The following FGF13 variants were observed in gnomAD, a reference collection of about 807,000 sequenced individuals.
FGF13 encodes the protein fibroblast growth factor 13.
Under a neutral mutation model 19.5 loss-of-function variants are expected in FGF13, and 2 were observed. That is an observed-to-expected ratio of 0.10 (90% CI 0.04 to 0.32). The LOEUF (loss-of-function observed/expected upper bound fraction) is 0.32. Among genes scored for constraint, FGF13 ranks in the 10% least tolerant of loss-of-function variants. The pLI, the probability that FGF13 is intolerant of heterozygous loss-of-function variation, is 1.00. For synonymous variants in FGF13, 72 were observed against 76.9 expected, an observed-to-expected ratio of 0.94 and a Z score of 0.33; for missense variants, 113 against 192.7, an observed-to-expected ratio of 0.59 and a Z score of 2.45.
chrX:139,174,242 T>C (rs1425668965), intron 1 of FGF13, among the ~76,000 whole-genome samples: 1 of 112,403 alleles, frequency 8.9e-6, no homozygotes, highest in Non-Finnish European at 1.9e-5. Context: ...CACTTTTTGA[T>C]GGAGTTGTTT....
rs2089038988 is a variant in FGF13 at position 138,624,328 on chromosome X, A to G, written c.*8522T>C. The G allele has an allele frequency of 8.9e-6, 1 of 112,098 alleles. No individual in the cohort carries two copies. Among genetic ancestry groups the G allele is most frequent in the Non-Finnish European group, 1.9e-5 (1 of 53,282 alleles). The allele number at this position is 112,098 out of a possible 1,213,427, so 9.2% of individuals were successfully genotyped here. A position where few individuals can be genotyped will look rare whatever the true frequency, so the allele number is the denominator to read the frequency against. On this transcript the variant is annotated 3_prime_UTR_variant, in exon 5 of 5. Coordinates refer to ENST00000315930, the MANE Select transcript of FGF13 (RefSeq NM_004114.5). ...CACTAAAAACACATCATGGGGAAAT[A>G]TAGTCCATTCAATAAATCGTATTTT...
chrX:139,110,915 C>T (rs959294211), intron 1 of FGF13, among the ~76,000 whole-genome samples: 8 of 111,556 alleles, frequency 7.2e-5, no homozygotes, highest in East Asian at 2.8e-4. Flanking sequence ...AACTCCCCAC[C>T]TCTCTGCACG....
intron 1 of FGF13, among the ~76,000 whole-genome samples, chrX:139,172,271 T>G (rs1569460751): frequency 8.9e-6 from 1 of 111,937 alleles, no homozygotes; most frequent in Admixed American, 9.5e-5. Flanking sequence ...TGTGATGAAT[T>G]TGATAGCTCT....
intron 1 of FGF13, among the ~76,000 whole-genome samples, chrX:138,996,154 C>A (rs2092041497): frequency 8.9e-6 from 1 of 112,178 alleles, no homozygotes; most frequent in Admixed American, 9.4e-5. Context: ...AATTGAGGAA[C>A]CTGGCTCATC....
At chrX:138,990,738 T>C (rs1408671380) in intron 1 of FGF13, 2 of 111,859 alleles carry the variant, frequency 1.8e-5, no homozygotes, top group African/African-American at 6.5e-5. Context: ...ACTTGGGAAT[T>C]ATGGGAGCTA....
chrX:138,852,824 T>C (rs938965589), downstream of FGF13, among the ~76,000 whole-genome samples: 1 of 110,765 alleles, frequency 9.0e-6, no homozygotes, highest in Admixed American at 9.7e-5. Context: ...AGGTCTAATA[T>C]CCAGAGCCTA....
intron 1 of FGF13, among the ~76,000 whole-genome samples, chrX:139,111,532 A>C (rs1241827614): frequency 8.9e-6 from 1 of 112,175 alleles, no homozygotes; most frequent in African/African-American, 3.2e-5. Flanking sequence ...TATTGCTTCT[A>C]AACAGAAATT....
intron 3 of FGF13, among the ~76,000 whole-genome samples, chrX:138,643,539 G>A (rs2089272347): frequency 8.9e-6 from 1 of 112,252 alleles, no homozygotes; most frequent in African/African-American, 3.2e-5. Flanking sequence ...GCCCAAGACT[G>A]TGTTAGTCTG....
chrX:139,184,271 C>T (rs187427716), intron 1 of FGF13, among the ~76,000 whole-genome samples: 4 of 111,672 alleles, frequency 3.6e-5, no homozygotes, highest in African/African-American at 1.3e-4. Context: ...TGAAATTCTG[C>T]CTTGCAGAAT....
At chrX:138,981,970 A>G in intron 1 of FGF13, among the ~76,000 whole-genome samples, 1 of 111,517 alleles carries the variant, frequency 9.0e-6, no homozygotes, top group Non-Finnish European at 1.9e-5. Flanking sequence ...TTGGAAGAAG[A>G]GTCAGAAAGG....
At chrX:139,110,171 T>A (rs1158050863) in intron 1 of FGF13, among the ~76,000 whole-genome samples, 1 of 110,579 alleles carries the variant, frequency 9.0e-6, no homozygotes, top group Non-Finnish European at 1.9e-5. Context: ...GTATTTTATA[T>A]TCGTATACTA....
intron 3 of FGF13, among the ~76,000 whole-genome samples, chrX:138,660,079 T>C (rs2089476116): frequency 8.9e-6 from 1 of 112,141 alleles, no homozygotes; most frequent in Non-Finnish European, 1.9e-5. Flanking sequence ...TATAATATTT[T>C]TTTTTAAAAA....
At position 138,845,209 on chromosome X, in the gene FGF13, TA is replaced by T. The variant is rs199766184; in HGVS notation, c.217+12302del. On this transcript the variant is annotated intron_variant, in intron 3 of 6. Coordinates refer to the FGF13 transcript ENST00000436198. ...ATGCAACACAATCTTGATAATCAAG[TA>T]GTTCTAAGTCTGCTTTCCTGCTAGT... Among the ~76,000 whole-genome samples the T allele has an allele frequency of 9.8e-3, 1,098 of 111,603 alleles. 13 individuals carry two copies. Among genetic ancestry groups the T allele is most frequent in the African/African-American group, 0.033 (1,026 of 30,728 alleles).
chrX:139,122,923 A>G (rs2083688275), intron 1 of FGF13, among the ~76,000 whole-genome samples: 1 of 111,854 alleles, frequency 8.9e-6, no homozygotes, highest in South Asian at 3.7e-4. Flanking sequence ...CTTTGTTGTG[A>G]GAGGCCGTCC....
chrX:138,847,009 T>C (rs776195521), intron 3 of FGF13, among the ~76,000 whole-genome samples: 1 of 111,504 alleles, frequency 9.0e-6, no homozygotes, highest in Non-Finnish European at 1.9e-5. Context: ...GACAAACTCT[T>C]GCTGTCACAA....
At position 138,922,837 on chromosome X, in the gene FGF13, G is replaced by A. The variant is rs150296187; in HGVS notation, c.-112-58187C>T. Among the ~76,000 whole-genome samples, 919 of 111,746 alleles carry A rather than the reference G, an allele frequency of 8.2e-3. 14 individuals are homozygous for A. The highest frequency in any genetic ancestry group is 0.029 in the African/African-American group (882 of 30,773). On this transcript the variant is annotated intron_variant, in intron 1 of 2. Coordinates refer to the FGF13 transcript ENST00000421460. ...GAAACATTTCTTTGTAAGATGCCCC[G>A]CTTCATCTCTAGCCTGCATCCATTC...
Position 139,202,585 on chromosome X carries a change from C to T in FGF13, c.-113+831G>A, listed in dbSNP as rs777341975. ...ACAAACTTCCGGAACCTTCAGTCAC[C>T]CTTTCGCCTATTTGGGGGAGAAATG... is the stretch of plus-strand genomic sequence containing the variant. On this transcript the variant is annotated intron_variant, in intron 1 of 2. Coordinates refer to the FGF13 transcript ENST00000421460. Among the ~76,000 whole-genome samples, 211 of 111,377 alleles carry T rather than the reference C, an allele frequency of 1.9e-3. 1 individual carries two copies. The highest frequency in any genetic ancestry group is 1.7e-3 in the Non-Finnish European group (88 of 53,073).
At chrX:138,860,253 G>A (rs762109482) in intron 2 of FGF13, among the ~76,000 whole-genome samples, 1 of 111,331 alleles carries the variant, frequency 9.0e-6, no homozygotes, top group South Asian at 3.8e-4. Context: ...CAAGTAGGAT[G>A]GTGGCTGTAT....
intron 1 of FGF13, among the ~76,000 whole-genome samples, chrX:138,958,851 T>C (rs1460208253): frequency 8.9e-6 from 1 of 111,911 alleles, no homozygotes; most frequent in Admixed American, 9.5e-5. Context: ...TGTATTTCTG[T>C]GGGATCGGTG....
Sources: gnomAD v4.1 joint callset for allele counts (sites outside exome capture counted in the v4.1 genomes callset) on GRCh38, gnomAD v4.1.1 for gene constraint, MANE v1.5 for transcripts, NCBI Gene and HGNC (gene_info 2026-07-23, HGNC 2026-07-21) for gene names.